CACNA2D3: variants seen among roughly 807,000 people sequenced by gnomAD.
The protein encoded by CACNA2D3 is voltage-dependent calcium channel subunit alpha-2/delta-3.
Under a neutral mutation model 160.6 loss-of-function variants are expected in CACNA2D3, and 60 were observed. That is an observed-to-expected ratio of 0.37 (90% CI 0.30 to 0.46). The LOEUF (loss-of-function observed/expected upper bound fraction) is 0.46. CACNA2D3 is among the 20% of genes least tolerant of loss of function. The probability of loss-of-function intolerance (pLI) is 1.00; values close to 1 mark genes in which losing one functional copy is unlikely to be tolerated. For missense variants in CACNA2D3, 1,205 were observed against 1,365.0 expected (o/e 0.88, Z 1.85); for synonymous variants, 558 against 492.9 (o/e 1.13, Z -1.75).
At chr3:54,821,002 A>C (rs1392075457) in intron 14 of CACNA2D3, among the ~76,000 whole-genome samples, 1 of 152,182 alleles carries the variant, frequency 6.6e-6, no homozygotes, top group African/African-American at 2.4e-5. Context: ...GAATGTTTAA[A>C]GTCAAAAATA....
intron 13 of CACNA2D3, among the ~76,000 whole-genome samples, chr3:54,792,800 G>A (rs1279887139): frequency 6.6e-6 from 1 of 152,072 alleles, no homozygotes; most frequent in Admixed American, 6.6e-5. Flanking sequence ...GTTCTGATTG[G>A]CCAGGCAGGA....
chr3:54,923,361 C>T (rs1559631010), intron 27 of CACNA2D3, among the ~76,000 whole-genome samples: 3 of 152,072 alleles, frequency 2.0e-5, no homozygotes, highest in East Asian at 3.9e-4. Flanking sequence ...AAGCCCTTTG[C>T]GTTCACTATT....
chr3:54,682,161 G>GCACACACACA (rs138753206), intron 11 of CACNA2D3, among the ~76,000 whole-genome samples: 105 of 144,784 alleles, frequency 7.3e-4, no homozygotes, highest in African/African-American at 2.2e-3. Context: ...AAACAGAACA[G>GCACACACACA]CACACACACA....
chr3:54,587,862 C>T (rs1284891831), intron 9 of CACNA2D3, among the ~76,000 whole-genome samples: 1 of 152,126 alleles, frequency 6.6e-6, no homozygotes, highest in Non-Finnish European at 1.5e-5. Flanking sequence ...ATTTTCAGGT[C>T]TGGAGAATGC....
intron 24 of CACNA2D3, 90 bp from the exon 25 acceptor site, chr3:54,891,265 T>G: frequency 2.5e-6 from 2 of 808,444 alleles, no homozygotes; most frequent in Admixed American, 2.2e-5. Context: ...AACTGCTATT[T>G]GGTAAAAACA....
At chr3:54,528,166 T>C (rs956508408) in intron 5 of CACNA2D3, among the ~76,000 whole-genome samples, 1 of 152,176 alleles carries the variant, frequency 6.6e-6, no homozygotes, top group Middle Eastern at 3.4e-3. Flanking sequence ...CAGCCAGGGT[T>C]ACGGTCACTA....
chr3:54,402,786 A>G (rs1699493566), intron 4 of CACNA2D3, among the ~76,000 whole-genome samples: 1 of 152,186 alleles, frequency 6.6e-6, no homozygotes, highest in Admixed American at 6.5e-5. Flanking sequence ...TGGACTTAAC[A>G]AATATATACA....
intron 2 of CACNA2D3, among the ~76,000 whole-genome samples, chr3:54,179,397 G>A (rs1700739018): frequency 6.6e-6 from 1 of 152,008 alleles, no homozygotes; most frequent in African/African-American, 2.4e-5. Flanking sequence ...GCTACTCTTG[G>A]GGAACCTTTC....
chr3:54,800,913 C>T (rs1702970087), intron 13 of CACNA2D3, among the ~76,000 whole-genome samples: 1 of 152,000 alleles, frequency 6.6e-6, no homozygotes, highest in Admixed American at 6.6e-5. Flanking sequence ...TTAATATTCT[C>T]TATGCCTTTA....
rs148180691 is a variant in CACNA2D3 at position 55,052,040 on chromosome 3, T to C, written c.2988-21405T>C. Among the ~76,000 whole-genome samples the C allele has an allele frequency of 2.6e-5, 4 of 152,256 alleles. No individual in the cohort carries two copies. In the East Asian group the frequency reaches 7.7e-4, roughly 29 times the overall value. On this transcript the variant is annotated intron_variant, in intron 35 of 37. Coordinates refer to ENST00000474759, the MANE Select transcript of CACNA2D3 (RefSeq NM_018398.3). ...AGTGAGATGAACCCGGTACCTCAGA[T>C]GGAAATGCCGAAATGACTGTCTTCT... is the stretch of plus-strand genomic sequence containing the variant.
intron 8 of CACNA2D3, among the ~76,000 whole-genome samples, chr3:54,576,470 T>C (rs904223478): frequency 3.3e-5 from 5 of 152,202 alleles, no homozygotes; most frequent in Non-Finnish European, 5.9e-5. Flanking sequence ...AAGATTCTCA[T>C]TGATCACTTT....
chr3:54,540,548 C>A (rs1391670026), intron 5 of CACNA2D3, among the ~76,000 whole-genome samples: 4 of 152,044 alleles, frequency 2.6e-5, no homozygotes, highest in Non-Finnish European at 4.4e-5. Context: ...AGTCATTGTT[C>A]CATAGTATGC....
At chr3:54,777,866 T>C (rs1241949323) in intron 13 of CACNA2D3, among the ~76,000 whole-genome samples, 1 of 152,210 alleles carries the variant, frequency 6.6e-6, no homozygotes, top group African/African-American at 2.4e-5. Context: ...TTAGATGACT[T>C]TTTCTGTCTG....
intron 16 of CACNA2D3, 87 bp downstream of exon 16, chr3:54,838,735 T>C (rs1330440063): frequency 2.0e-6 from 2 of 995,014 alleles, no homozygotes; most frequent in Non-Finnish European, 1.6e-6. Flanking sequence ...AACTCTACTT[T>C]GGAGCGATGT....
intron 2 of CACNA2D3, among the ~76,000 whole-genome samples, chr3:54,164,079 G>A (rs2107300990): frequency 6.6e-6 from 1 of 152,336 alleles, no homozygotes; most frequent in Non-Finnish European, 1.5e-5. Flanking sequence ...TTAGCCAGGT[G>A]AAGAGGAGAT....
chr3:54,894,161 T>C (rs1700132726), intron 25 of CACNA2D3, among the ~76,000 whole-genome samples: 1 of 152,164 alleles, frequency 6.6e-6, no homozygotes, highest in African/African-American at 2.4e-5. Flanking sequence ...GCTCCTAGTA[T>C]CCAGGAGGAG....
chr3:54,800,934 A>G (rs563678299), intron 13 of CACNA2D3, among the ~76,000 whole-genome samples: 1 of 151,534 alleles, frequency 6.6e-6, no homozygotes, highest in South Asian at 2.1e-4. Flanking sequence ...ACTCATTCAG[A>G]CCCTGGGAAA....
chr3:54,548,708 C>T (rs1702105643), intron 5 of CACNA2D3, among the ~76,000 whole-genome samples: 1 of 152,198 alleles, frequency 6.6e-6, no homozygotes, highest in Non-Finnish European at 1.5e-5. Context: ...ATTACTACTA[C>T]CACTACCACC....
At chr3:54,692,578 G>GAC (rs1441224911) in intron 11 of CACNA2D3, among the ~76,000 whole-genome samples, 1 of 152,098 alleles carries the variant, frequency 6.6e-6, no homozygotes, top group Non-Finnish European at 1.5e-5. Context: ...TGACCCTCAG[G>GAC]ACACTAGCTA....
Sources: gnomAD v4.1 joint callset for allele counts (sites outside exome capture counted in the v4.1 genomes callset) on GRCh38, gnomAD v4.1.1 for gene constraint, MANE v1.5 for transcripts, NCBI Gene and HGNC (gene_info 2026-07-23, HGNC 2026-07-21) for gene names.